Variants in NVL observed in about 807,000 individuals in gnomAD.
NVL encodes the protein nuclear valosin-containing protein-like.
Under a neutral mutation model 110.2 loss-of-function variants are expected in NVL, and 84 were observed. The observed-to-expected ratio is 0.76, with a 90% CI of 0.64 to 0.91. NVL has a LOEUF of 0.91. Ranked by LOEUF, NVL falls within the 40% of genes least tolerant of loss-of-function variation. NVL has a pLI of 0.00. For missense variants in NVL, 882 were observed against 1,035.9 expected (o/e 0.85, Z 2.04); for synonymous variants, 354 against 361.1 (o/e 0.98, Z 0.22).
intron 18 of NVL, among the ~76,000 whole-genome samples, chr1:224,253,201 C>T (rs868850402): frequency 3.3e-5 from 5 of 151,618 alleles, no homozygotes; most frequent in Non-Finnish European, 4.4e-5. Flanking sequence ...TGCCCCCCTG[C>T]CCCCCACGCC....
intron 19 of NVL, among the ~76,000 whole-genome samples, chr1:224,242,918 G>A (rs542561154): frequency 1.3e-4 from 18 of 134,340 alleles, no homozygotes; most frequent in South Asian, 7.1e-4. Context: ...CTCTGCCTCT[G>A]GGTTCAAGCG....
intron 17 of NVL, among the ~76,000 whole-genome samples, chr1:224,268,773 C>T (rs943308263): frequency 6.6e-6 from 1 of 152,204 alleles, no homozygotes; most frequent in Non-Finnish European, 1.5e-5. Flanking sequence ...ATTCTCCTGC[C>T]TCTGCCTCCC....
chr1:224,263,892 G>A (rs569947328), intron 18 of NVL, among the ~76,000 whole-genome samples: 4 of 152,284 alleles, frequency 2.6e-5, no homozygotes, highest in Admixed American at 1.3e-4. Flanking sequence ...GCACATGCCT[G>A]TAATCCCAGC....
chr1:224,305,932 T>C (rs780565644), intron 6 of NVL, among the ~76,000 whole-genome samples: 20 of 152,266 alleles, frequency 1.3e-4, no homozygotes, highest in South Asian at 6.2e-4. Flanking sequence ...CTTGTATGAG[T>C]GATTCACTTA....
In NVL at chr1:224,289,707, A is replaced by G; in HGVS notation, c.1352T>C (p.Leu451Pro). The G allele has an allele frequency of 6.2e-7, 1 of 1,614,120 alleles. No homozygotes were observed. The highest frequency in any genetic ancestry group is 8.5e-7 in the Non-Finnish European group (1 of 1,179,966). ...GAAATCAAAAGCTTGAGGAAGCCTC[A>G]GTTTTCTGCACAATGTTTGAAGTAT... ...ERILQTLCRK[L>P]RLPQAFDFCH... Residue 451 changes from leucine (L) to proline (P), a missense_variant, in exon 13 of 23, where the codon CTG (leucine) becomes CCG (proline). Physicochemically the swap from Leu to Pro is moderately conservative, Grantham distance 98 (BLOSUM62 -3). Coordinates refer to ENST00000281701, the MANE Select transcript of NVL (RefSeq NM_002533.4).
At position 224,251,801 on chromosome 1, in the gene NVL, C is replaced by T. The variant is rs191143713; in HGVS notation, c.2183-1483G>A. Reference sequence around the variant, plus strand: ...CTCCCAAATACCAGGCAGGTTTCTCCCTTCCCTCTAACCAATTTCCATCAA... The same window carrying T: ...CTCCCAAATACCAGGCAGGTTTCTCTCTTCCCTCTAACCAATTTCCATCAA... On this transcript the variant is annotated intron_variant, in intron 18 of 22. Coordinates refer to ENST00000281701, the MANE Select transcript of NVL (RefSeq NM_002533.4). Among the ~76,000 whole-genome samples, 31 of 152,134 alleles carry T rather than the reference C, an allele frequency of 2.0e-4. No homozygotes were observed. The East Asian group carries it at 5.8e-3, about 28-fold the overall frequency.
At chr1:224,242,500 T>TG (rs1162060088) in intron 19 of NVL, among the ~76,000 whole-genome samples, 1 of 150,412 alleles carries the variant, frequency 6.6e-6, no homozygotes, top group African/African-American at 2.4e-5. Context: ...TTTTTTTTTT[T>TG]TTTTTGAGAC....
intron 17 of NVL, among the ~76,000 whole-genome samples, chr1:224,273,885 G>C (rs1665452634): frequency 6.6e-6 from 1 of 152,100 alleles, no homozygotes. Context: ...TGGTATCAAT[G>C]ACTAGGATGA....
At chr1:224,244,118 A>G (rs1198276330) in intron 19 of NVL, among the ~76,000 whole-genome samples, 1 of 151,806 alleles carries the variant, frequency 6.6e-6, no homozygotes, top group Non-Finnish European at 1.5e-5. Context: ...CTATAATCCC[A>G]GCACTTTGGG....
intron 2 of NVL, among the ~76,000 whole-genome samples, chr1:224,318,611 ATAAAT>A (rs1416476061): frequency 2.6e-5 from 4 of 152,046 alleles, no homozygotes; most frequent in Non-Finnish European, 5.9e-5. Flanking sequence ...AAAAAAAATA[ATAAAT>A]TAAAAAACTA....
intron 22 of NVL, among the ~76,000 whole-genome samples, chr1:224,228,888 G>A (rs1659513684): frequency 7.9e-6 from 1 of 127,006 alleles, no homozygotes; most frequent in Non-Finnish European, 1.6e-5. Flanking sequence ...GCAGTGAGCC[G>A]AGATCGCGCC....
chr1:224,292,567 C>T (rs944133390), intron 12 of NVL, among the ~76,000 whole-genome samples: 2 of 152,152 alleles, frequency 1.3e-5, no homozygotes, highest in Non-Finnish European at 2.9e-5. Context: ...GGCCTTTCTC[C>T]TCCTTACTTA....
At chr1:224,265,678 G>A (rs1664435800) in intron 18 of NVL, among the ~76,000 whole-genome samples, 1 of 152,192 alleles carries the variant, frequency 6.6e-6, no homozygotes, top group South Asian at 2.1e-4. Flanking sequence ...TGAGATGTGG[G>A]ACCTTTAAAA....
At position 224,319,086 on chromosome 1, in the gene NVL, C is replaced by T. The variant is rs1198393136; in HGVS notation, c.132-1156G>A. The stretch of plus-strand genomic sequence containing the variant: ...AGGAGAATCCCATGAACCCAGGAGG[C>T]GGAGGTTGCAGTGAGCCGAGATCAC... On this transcript the variant is annotated intron_variant, in intron 2 of 22. Coordinates refer to ENST00000281701, the MANE Select transcript of NVL (RefSeq NM_002533.4). 7.9e-5 allele frequency among the ~76,000 whole-genome samples: 9 copies of T among 114,606 alleles called. No homozygotes were observed. The Admixed American group carries it at 1.0e-3, about 13-fold the overall frequency. 75.2% of individuals were successfully genotyped at this position (114,606 alleles called of 152,430 possible).
chr1:224,291,599 AC>A (rs1667384112), intron 12 of NVL, among the ~76,000 whole-genome samples: 1 of 152,176 alleles, frequency 6.6e-6, no homozygotes, highest in Non-Finnish European at 1.5e-5. Context: ...AATCAAGAAA[AC>A]TTTCCACTAA....
intron 15 of NVL, among the ~76,000 whole-genome samples, chr1:224,283,390 G>A (rs915704415): frequency 6.6e-6 from 1 of 152,172 alleles, no homozygotes; most frequent in Non-Finnish European, 1.5e-5. Flanking sequence ...AGGAGGCTGA[G>A]GCAGGAGAAT....
intron 12 of NVL, among the ~76,000 whole-genome samples, chr1:224,292,458 C>T (rs1667463415): frequency 6.6e-6 from 1 of 152,094 alleles, no homozygotes; most frequent in African/African-American, 2.4e-5. Flanking sequence ...TGGACAAGGA[C>T]CAAGGATAAC....
intron 18 of NVL, among the ~76,000 whole-genome samples, chr1:224,258,917 G>T (rs2405062): frequency 6.8e-6 from 1 of 147,906 alleles, no homozygotes; most frequent in Non-Finnish European, 1.5e-5. Flanking sequence ...CCAAGGCAGG[G>T]GGCATGCTGC....
In NVL at chr1:224,316,423, C is replaced by T. The variant is rs531990835; in HGVS notation, c.284+1271G>A. 3.8e-3 allele frequency among the ~76,000 whole-genome samples: 575 copies of T among 152,100 alleles called. 4 individuals carry two copies. Among genetic ancestry groups the T allele is most frequent in the African/African-American group, 0.013 (559 of 41,504 alleles). On this transcript the variant is annotated intron_variant, in intron 4 of 22. Coordinates refer to ENST00000281701, the MANE Select transcript of NVL (RefSeq NM_002533.4). Reference sequence around the variant, plus strand: ...GCCTAAAGCTGGGTGCTGTGGCTCGCACCTATAATCCCAACACTTTGGGAG... The same window carrying T: ...GCCTAAAGCTGGGTGCTGTGGCTCGTACCTATAATCCCAACACTTTGGGAG...
Sources: allele counts gnomAD v4.1 joint callset (sites outside exome capture counted in the v4.1 genomes callset), GRCh38; gene constraint gnomAD v4.1.1; transcripts MANE v1.5; gene names NCBI Gene and HGNC (gene_info 2026-07-23, HGNC 2026-07-21).